The following AHRR variants were observed in gnomAD, a reference collection of about 807,000 sequenced individuals.
AHRR encodes aryl hydrocarbon receptor repressor.
AHRR carries 28 observed loss-of-function variants against 44.0 expected under a neutral mutation model. The observed-to-expected ratio is 0.64, with a 90% CI of 0.47 to 0.87. AHRR has a LOEUF of 0.87. Among genes scored for constraint, AHRR ranks in the 40% least tolerant of loss-of-function variants. The pLI, the probability that AHRR is intolerant of heterozygous loss-of-function variation, is 0.00. For synonymous variants in AHRR, 434 were observed against 407.0 expected, an observed-to-expected ratio of 1.07 and a Z score of -0.80; for missense variants, 990 against 953.9, an observed-to-expected ratio of 1.04 and a Z score of -0.50.
intron 4 of AHRR, among the ~76,000 whole-genome samples, chr5:389,459 G>T (rs1173472586): frequency 6.6e-6 from 1 of 152,222 alleles, no homozygotes; most frequent in Non-Finnish European, 1.5e-5. Context: ...GGAGCCACGT[G>T]CTGCGTAGCC....
chr5:395,221 C>T lies in AHRR; in HGVS notation c.352-18123C>T, dbSNP rs1023575666. 1.3e-5 allele frequency among the ~76,000 whole-genome samples: 2 copies of T among 152,158 alleles called. No individual in the cohort carries two copies. The highest frequency in any genetic ancestry group is 6.5e-5 in the Admixed American group (1 of 15,290). Reference sequence around the variant, plus strand: ...TCAAGTCCCCCTCCTGCCAGGTGGCCGACACTGGCTGCCCTGCGTCCCCAT... The same window carrying T: ...TCAAGTCCCCCTCCTGCCAGGTGGCTGACACTGGCTGCCCTGCGTCCCCAT... On this transcript the variant is annotated intron_variant, in intron 4 of 10. Coordinates refer to ENST00000684583, the MANE Select transcript of AHRR (RefSeq NM_001377236.1). This position sits in a 1 kb window ranked among gnomAD's most constrained non-coding sequence, Gnocchi z 5.3.
At chr5:367,585 G>C (rs1040018217) in intron 3 of AHRR, among the ~76,000 whole-genome samples, 2 of 152,206 alleles carry the variant, frequency 1.3e-5, no homozygotes, top group Admixed American at 1.3e-4. Flanking sequence ...GGCCTTGCTG[G>C]GGGCGGCATC....
At chr5:379,620 G>C (rs904537962) in intron 4 of AHRR, among the ~76,000 whole-genome samples, 1 of 152,138 alleles carries the variant, frequency 6.6e-6, no homozygotes, top group African/African-American at 2.4e-5. Context: ...GTGGTTATTT[G>C]CATCCGTGTG....
rs1736871518 is a variant in AHRR at position 434,091 on chromosome 5, C to T, written c.1351C>T (p.His451Tyr). Reference sequence around the variant, plus strand: ...CACTTTCAGGAACTCGCCCATCTCTCACCCGCCGAGCCCGTCCCCCAGTGC... The same window carrying T: ...CACTTTCAGGAACTCGCCCATCTCTTACCCGCCGAGCCCGTCCCCCAGTGC... ...QGTFRNSPIS[H>Y]PPSPSPSAYS... is the part of the protein sequence containing the mutation. The change falls in exon 11 of 11, where the codon CAC becomes TAC. Residue 451 changes from histidine (H) to tyrosine (Y), a missense_variant. Physicochemically the swap from His to Tyr is moderately conservative, Grantham distance 83. Coordinates refer to ENST00000684583, the MANE Select transcript of AHRR (RefSeq NM_001377236.1). 6.2e-7 allele frequency: 1 copy of T among 1,612,834 alleles called. No individual in the cohort carries two copies. The highest frequency in any genetic ancestry group is 1.3e-5 in the African/African-American group (1 of 74,920).
chr5:404,470 T>A lies in AHRR; in HGVS notation c.352-8874T>A, dbSNP rs1579675931. On this transcript the variant is annotated intron_variant, in intron 4 of 10. Coordinates refer to ENST00000684583, the MANE Select transcript of AHRR (RefSeq NM_001377236.1). This position sits in a 1 kb window ranked among gnomAD's most constrained non-coding sequence, Gnocchi z 4.1. ...GCTGGTGCTGTCGTGCACGGTGTGTTCACCAAAACATCTAACGCAACTATT... is the reference window on the plus strand; with the variant it reads ...GCTGGTGCTGTCGTGCACGGTGTGTACACCAAAACATCTAACGCAACTATT... 2 of 492,680 alleles carry A rather than the reference T, an allele frequency of 4.1e-6. No homozygotes were observed. The highest frequency in any genetic ancestry group is 8.1e-6 in the Non-Finnish European group (2 of 246,346). The allele number at this position is 492,680 out of a possible 1,614,324, so 30.5% of individuals were successfully genotyped here.
chr5:412,715 CTTTTTTTTTTT>C (rs11285209), intron 4 of AHRR, among the ~76,000 whole-genome samples: 13 of 96,960 alleles, frequency 1.3e-4, no homozygotes, highest in African/African-American at 4.5e-4. Context: ...CTCTCTCTCT[CTTTTTTTTTTT>C]TTTTTTTTTT....
chr5:401,460 C>T lies in AHRR; in HGVS notation c.352-11884C>T, dbSNP rs1258863005. 2.6e-5 allele frequency among the ~76,000 whole-genome samples: 4 copies of T among 152,230 alleles called. No homozygotes were observed. The East Asian group carries it at 7.7e-4, about 29-fold the overall frequency. On this transcript the variant is annotated intron_variant, in intron 4 of 10. Transcript: ENST00000684583. Reference sequence around the variant, plus strand: ...ATGGTCCCTCCATGGCCACAAAGTCCCTGACCTCCATTGGCGCCAGCCCAG... The same window carrying T: ...ATGGTCCCTCCATGGCCACAAAGTCTCTGACCTCCATTGGCGCCAGCCCAG...
intron 5 of AHRR, among the ~76,000 whole-genome samples, chr5:417,898 T>G (rs1473050007): frequency 1.3e-5 from 2 of 152,252 alleles, no homozygotes; most frequent in Non-Finnish European, 2.9e-5. Context: ...GAACCAATTA[T>G]TCCCAGTCAC....
chr5:436,785 T>G lies in AHRR; in HGVS notation c.*1951T>G, dbSNP rs986165333. On this transcript the variant is annotated 3_prime_UTR_variant, in exon 11 of 11. Coordinates refer to ENST00000684583, the MANE Select transcript of AHRR (RefSeq NM_001377236.1). ...GACAGAGCTACCCAGGGGCCAGCCA[T>G]GGGGTGACCAGCCACCTGAGGGTCA... The G allele has an allele frequency of 2.6e-5, 4 of 152,390 alleles. No homozygotes were observed. Among genetic ancestry groups the G allele is most frequent in the African/African-American group, 9.7e-5 (4 of 41,450 alleles). 9.4% of individuals were successfully genotyped at this position (152,390 alleles called of 1,614,324 possible).
At chr5:367,504 T>C (rs981354405) in intron 3 of AHRR, among the ~76,000 whole-genome samples, 4 of 152,182 alleles carry the variant, frequency 2.6e-5, no homozygotes, top group African/African-American at 7.2e-5. Context: ...TGGGCAGCGG[T>C]GGCCGTGGGG....
chr5:351,886 C>A (rs771722142), intron 2 of AHRR, among the ~76,000 whole-genome samples: 4 of 152,214 alleles, frequency 2.6e-5, no homozygotes, highest in Non-Finnish European at 5.9e-5. Flanking sequence ...ACAGCTTGCA[C>A]GTGTCAGCTC....
intron 3 of AHRR, among the ~76,000 whole-genome samples, chr5:354,426 C>T (rs144043247): frequency 0.014 from 2,069 of 152,294 alleles, 23 homozygotes; most frequent in Admixed American, 0.027. Flanking sequence ...AGGCCGTGCC[C>T]GGACACAGCT....
chr5:398,159 G>A (rs947899130), intron 4 of AHRR, among the ~76,000 whole-genome samples: 2 of 107,146 alleles, frequency 1.9e-5, no homozygotes, highest in South Asian at 2.8e-4. Context: ...GACCATCCAC[G>A]TAGCCCCTGA....
At chr5:354,578 C>T (rs1222287734) in intron 3 of AHRR, among the ~76,000 whole-genome samples, 1 of 152,190 alleles carries the variant, frequency 6.6e-6, no homozygotes, top group African/African-American at 2.4e-5. Context: ...GAGCTGGGAT[C>T]GCTCCAGAGA....
At chr5:333,637 C>T (rs892099621) in intron 1 of AHRR, among the ~76,000 whole-genome samples, 5 of 152,096 alleles carry the variant, frequency 3.3e-5, no homozygotes, top group African/African-American at 1.2e-4. Context: ...ACCTGTTTAC[C>T]TTCAAGGTTA....
chr5:386,651 G>A lies in AHRR; in HGVS notation c.351+9935G>A, dbSNP rs146732945. On this transcript the variant is annotated intron_variant, in intron 4 of 10. Coordinates refer to ENST00000684583, the MANE Select transcript of AHRR (RefSeq NM_001377236.1). ...CATGGGGCTCCTCGCTTTAGCCCAC[G>A]GAGATCATTCCAGGCTTCAGCCACG... 5.2e-3 allele frequency among the ~76,000 whole-genome samples: 796 copies of A among 152,348 alleles called. 2 individuals carry two copies. Among genetic ancestry groups the A allele is most frequent in the Non-Finnish European group, 8.4e-3 (572 of 68,038 alleles).
intron 5 of AHRR, chr5:422,312 T>G: frequency 3.6e-6 from 1 of 276,068 alleles, no homozygotes; most frequent in Non-Finnish European, 7.0e-6. Context: ...ATCGTGAAAG[T>G]GGGTGAAGGT....
intron 2 of AHRR, among the ~76,000 whole-genome samples, chr5:353,425 G>T (rs6897281): frequency 2.0e-3 from 308 of 152,308 alleles, no homozygotes; most frequent in African/African-American, 7.1e-3. Context: ...GAGAGGTGGA[G>T]AAATGTGCCT....
chr5:401,672 T>C (rs978260032), intron 4 of AHRR, among the ~76,000 whole-genome samples: 25 of 152,304 alleles, frequency 1.6e-4, no homozygotes, highest in African/African-American at 5.3e-4. Context: ...GGATGCCAGC[T>C]CTGCGGGGCA....
Sources: gnomAD v4.1 joint callset for allele counts (sites outside exome capture counted in the v4.1 genomes callset) on GRCh38, gnomAD v4.1.1 for gene constraint, Gnocchi (gnomAD v3.1) non-coding constraint, MANE v1.5 for transcripts, NCBI Gene and HGNC (gene_info 2026-07-23, HGNC 2026-07-21) for gene names.